The following KCNIP4 variants were observed in gnomAD, a reference collection of about 807,000 sequenced individuals.
KCNIP4 encodes potassium voltage-gated channel interacting protein 4.
A neutral mutation model predicts 34.0 loss-of-function variants in KCNIP4; 12 were observed. The observed-to-expected ratio is 0.35, with a 90% CI of 0.23 to 0.57. KCNIP4 has a LOEUF of 0.57. KCNIP4 is among the 20% of genes least tolerant of loss of function. KCNIP4 has a pLI of 0.83. For synonymous variants in KCNIP4, 124 were observed against 102.2 expected, an observed-to-expected ratio of 1.21 and a Z score of -1.29; for missense variants, 238 against 311.7, an observed-to-expected ratio of 0.76 and a Z score of 1.78.
At chr4:21,828,843 A>G (rs912505896) in intron 1 of KCNIP4, among the ~76,000 whole-genome samples, 1 of 152,008 alleles carries the variant, frequency 6.6e-6, no homozygotes, top group African/African-American at 2.4e-5. Context: ...CACACTATCT[A>G]AAATAATAAC....
intron 1 of KCNIP4, among the ~76,000 whole-genome samples, chr4:20,940,211 G>A (rs1365246398): frequency 6.6e-6 from 1 of 152,158 alleles, no homozygotes; most frequent in Non-Finnish European, 1.5e-5. Flanking sequence ...TTTCTTCTAG[G>A]AAGGCTCCCT....
chr4:21,278,873 A>G (rs954948010), intron 1 of KCNIP4, among the ~76,000 whole-genome samples: 1 of 152,250 alleles, frequency 6.6e-6, no homozygotes, highest in South Asian at 2.1e-4. Context: ...AAAACAAGGT[A>G]GTAAATGCAA....
chr4:20,932,604 C>T (rs1256563236), intron 1 of KCNIP4, among the ~76,000 whole-genome samples: 4 of 152,036 alleles, frequency 2.6e-5, no homozygotes, highest in East Asian at 1.9e-4. Context: ...ATGATAGATA[C>T]GTTAATTTGA....
chr4:21,420,278 T>C (rs1428454247), intron 1 of KCNIP4, among the ~76,000 whole-genome samples: 1 of 152,196 alleles, frequency 6.6e-6, no homozygotes, highest in Non-Finnish European at 1.5e-5. Flanking sequence ...AATATCTTTG[T>C]ATCCCTACAT....
intron 1 of KCNIP4, among the ~76,000 whole-genome samples, chr4:21,341,625 A>G (rs1238439423): frequency 1.3e-5 from 2 of 152,170 alleles, no homozygotes; most frequent in African/African-American, 4.8e-5. Context: ...GAGTAAGAAG[A>G]GTATGACATG....
chr4:21,807,564 T>C (rs1232590917), intron 1 of KCNIP4, among the ~76,000 whole-genome samples: 1 of 152,176 alleles, frequency 6.6e-6, no homozygotes. Flanking sequence ...ACTTATTCTT[T>C]CAAGTTCTGA....
intron 1 of KCNIP4, among the ~76,000 whole-genome samples, chr4:21,471,735 C>T (rs1730483977): frequency 6.6e-6 from 1 of 152,104 alleles, no homozygotes; most frequent in South Asian, 2.1e-4. Context: ...GAAACTGAGT[C>T]TTCTCTGGCT....
At position 21,699,765 on chromosome 4, in the gene KCNIP4, T is replaced by C. The variant is rs572989850; in HGVS notation, c.61+248806A>G. ...GCTACAGTATGTGAAGCCTTATAGC[T>C]GGGGTAAGGGATTTAGATTTCAGTC... On this transcript the variant is annotated intron_variant, in intron 1 of 8. Coordinates refer to ENST00000382152, the MANE Select transcript of KCNIP4 (RefSeq NM_025221.6). 2.1e-4 allele frequency among the ~76,000 whole-genome samples: 32 copies of C among 152,160 alleles called. No individual in the cohort carries two copies. In the East Asian group the frequency reaches 5.6e-3, roughly 27 times the overall value.
At chr4:20,975,995 G>T (rs1735455625) in intron 1 of KCNIP4, among the ~76,000 whole-genome samples, 1 of 152,306 alleles carries the variant, frequency 6.6e-6, no homozygotes, top group South Asian at 2.1e-4. Context: ...GAGTTGAGGA[G>T]TTGTGACAGA....
At chr4:21,290,135 G>T (rs186027618) in intron 1 of KCNIP4, among the ~76,000 whole-genome samples, 6 of 152,164 alleles carry the variant, frequency 3.9e-5, no homozygotes, top group African/African-American at 1.4e-4. Flanking sequence ...AATGATTCCA[G>T]AAACTGTTTG....
chr4:20,906,309 G>A (rs954613201), intron 1 of KCNIP4, among the ~76,000 whole-genome samples: 2 of 152,020 alleles, frequency 1.3e-5, no homozygotes, highest in African/African-American at 4.8e-5. Context: ...AGATCCATGT[G>A]CCCCCTCCCT....
intron 1 of KCNIP4, among the ~76,000 whole-genome samples, chr4:21,259,010 G>A (rs147763759): frequency 0.015 from 2,238 of 152,162 alleles, 26 homozygotes; most frequent in South Asian, 0.026. Context: ...ACATTTACCC[G>A]GGATGTGAAG....
chr4:21,626,590 C>T (rs1294065273), intron 1 of KCNIP4, among the ~76,000 whole-genome samples: 1 of 151,866 alleles, frequency 6.6e-6, no homozygotes, highest in Non-Finnish European at 1.5e-5. Flanking sequence ...GTTATGGCAG[C>T]CCAAGCAGAC....
At chr4:21,040,490 G>C (rs1741861378) in intron 1 of KCNIP4, among the ~76,000 whole-genome samples, 1 of 151,942 alleles carries the variant, frequency 6.6e-6, no homozygotes. Flanking sequence ...ATTGGATTTG[G>C]GTTTCTCAAT....
intron 1 of KCNIP4, among the ~76,000 whole-genome samples, chr4:21,755,281 A>C (rs879866989): frequency 1.3e-5 from 2 of 152,178 alleles, no homozygotes; most frequent in Admixed American, 1.3e-4. Context: ...CCTACCCACC[A>C]AGGTGGTTGG....
At chr4:21,754,160 T>G (rs1222260868) in intron 1 of KCNIP4, among the ~76,000 whole-genome samples, 1 of 152,216 alleles carries the variant, frequency 6.6e-6, no homozygotes, top group Admixed American at 6.5e-5. Flanking sequence ...TGTGTCGTTT[T>G]TTTCTTAATT....
At chr4:21,532,031 G>T (rs1577542522) in intron 1 of KCNIP4, among the ~76,000 whole-genome samples, 1 of 152,196 alleles carries the variant, frequency 6.6e-6, no homozygotes, top group African/African-American at 2.4e-5. Context: ...AGAGTGTTCG[G>T]TGCATGATAC....
intron 1 of KCNIP4, among the ~76,000 whole-genome samples, chr4:21,801,602 TTTATTA>T (rs778035819): frequency 4.6e-4 from 70 of 151,234 alleles, no homozygotes; most frequent in Middle Eastern, 6.9e-3. Context: ...ACTTATTTAT[TTTATTA>T]TTATTATTAT....
Position 21,726,427 on chromosome 4 carries a change from C to T in KCNIP4, c.61+222144G>A, listed in dbSNP as rs771738906. Among the ~76,000 whole-genome samples, 5 of 152,160 alleles carry T rather than the reference C, an allele frequency of 3.3e-5. No individual in the cohort carries two copies. In the South Asian group the frequency reaches 6.2e-4, roughly 19 times the overall value. On this transcript the variant is annotated intron_variant, in intron 1 of 8. Transcript: ENST00000382152. Reference sequence around the variant, plus strand: ...TGCCTAGGCATAAAGATAAGTCTCACGTAGCAGAGGAGGGTGAGTAATTTT... The same window carrying T: ...TGCCTAGGCATAAAGATAAGTCTCATGTAGCAGAGGAGGGTGAGTAATTTT...
Sources: gnomAD v4.1 joint callset for allele counts (sites outside exome capture counted in the v4.1 genomes callset) on GRCh38, gnomAD v4.1.1 for gene constraint, MANE v1.5 for transcripts, NCBI Gene and HGNC (gene_info 2026-07-23, HGNC 2026-07-21) for gene names.